The following TLN2 variants were observed in gnomAD, a reference collection of about 807,000 sequenced individuals.
The protein encoded by TLN2 is talin-2.
Under a neutral mutation model 294.7 loss-of-function variants are expected in TLN2, and 118 were observed. That is an observed-to-expected ratio of 0.40 (90% confidence interval 0.34 to 0.47). TLN2 has a LOEUF of 0.47. TLN2 is among the 20% of genes least tolerant of loss of function. The pLI is 0.84. For synonymous variants in TLN2, 1,431 were observed against 1,304.5 expected (o/e 1.10, Z -2.09); for missense variants, 3,083 against 3,282.2 (o/e 0.94, Z 1.48).
intron 1 of TLN2, among the ~76,000 whole-genome samples, chr15:62,411,690 T>C (rs2459899): frequency 0.33 from 50,549 of 152,008 alleles, 9,213 homozygotes; most frequent in East Asian, 0.73. Context: ...GCCTTTAGTC[T>C]TCTCTCCATT....
intron 27 of TLN2, among the ~76,000 whole-genome samples, chr15:62,725,809 C>T (rs1399555345): frequency 6.6e-6 from 1 of 152,150 alleles, no homozygotes; most frequent in Non-Finnish European, 1.5e-5. Context: ...AGGAGCCAAA[C>T]CACGGTTTGA....
At chr15:62,738,915 C>G (rs1174773885) in intron 30 of TLN2, among the ~76,000 whole-genome samples, 1 of 152,162 alleles carries the variant, frequency 6.6e-6, no homozygotes, top group African/African-American at 2.4e-5. Flanking sequence ...TAATTGGTGG[C>G]TATTAGTTTG....
chr15:62,502,379 T>A (rs1023180050), intron 1 of TLN2, among the ~76,000 whole-genome samples: 1 of 152,212 alleles, frequency 6.6e-6, no homozygotes, highest in East Asian at 1.9e-4. Context: ...TTTGGAGTTT[T>A]AAAATTTCTA....
chr15:62,726,744 T>G (rs1166689529), intron 27 of TLN2, among the ~76,000 whole-genome samples: 1 of 152,200 alleles, frequency 6.6e-6, no homozygotes, highest in East Asian at 1.9e-4. Flanking sequence ...ATAATACTAA[T>G]AGCTACCATT....
intron 13 of TLN2, 22 bp from the exon 14 acceptor site, chr15:62,694,294 T>C (rs759853408): frequency 6.2e-7 from 1 of 1,613,492 alleles, no homozygotes; most frequent in Non-Finnish European, 8.5e-7. Context: ...CATTTTTGCA[T>C]CTTGTTTTAT....
At chr15:62,496,602 G>A (rs2039031452) in intron 1 of TLN2, among the ~76,000 whole-genome samples, 1 of 152,172 alleles carries the variant, frequency 6.6e-6, no homozygotes, top group Non-Finnish European at 1.5e-5. Flanking sequence ...TTTAAAGGAT[G>A]GAGAAGCCCT....
At chr15:62,697,170 C>T (rs528556022) in intron 14 of TLN2, among the ~76,000 whole-genome samples, 2 of 152,148 alleles carry the variant, frequency 1.3e-5, no homozygotes, top group South Asian at 2.1e-4. Context: ...TACAGTGGCG[C>T]GATCATAGCT....
In TLN2 at chr15:62,753,784, G is replaced by A. The variant is rs1186078330; in HGVS notation, c.4344G>A (p.Leu1448=). Residue 1448 remains leucine (L), a synonymous_variant, in exon 36 of 59, where the codon TTG becomes TTA. Transcript: ENST00000636159. ...LTEAAAQAAY[L]VGISDPNSQA... Reference sequence around the variant, plus strand: ...TCTTCCCTTTCTAGGCTGCATACTTGGTTGGCATCTCTGATCCAAACAGCC... The same window carrying A: ...TCTTCCCTTTCTAGGCTGCATACTTAGTTGGCATCTCTGATCCAAACAGCC... The A allele has an allele frequency of 1.4e-5, 22 of 1,608,630 alleles. No individual in the cohort carries two copies. In the Admixed American group the frequency reaches 3.7e-4, roughly 27 times the overall value.
chr15:62,408,516 C>G (rs998089196), intron 1 of TLN2, among the ~76,000 whole-genome samples: 1 of 152,174 alleles, frequency 6.6e-6, no homozygotes, highest in Non-Finnish European at 1.5e-5. Context: ...ACTACAATGA[C>G]CGTCTCTCTG....
chr15:62,794,424 C>T (rs1248991436), intron 46 of TLN2, among the ~76,000 whole-genome samples: 1 of 152,166 alleles, frequency 6.6e-6, no homozygotes, highest in Non-Finnish European at 1.5e-5. Context: ...TCAGTAAACA[C>T]CTGCTGGCTG....
intron 2 of TLN2, among the ~76,000 whole-genome samples, chr15:62,595,542 C>T (rs1173606107): frequency 6.6e-6 from 1 of 152,038 alleles, no homozygotes; most frequent in Admixed American, 6.6e-5. Flanking sequence ...TTAGAGACTC[C>T]TCAAAAAATT....
At chr15:62,768,256 G>A (rs1001679523) in intron 41 of TLN2, among the ~76,000 whole-genome samples, 4 of 152,192 alleles carry the variant, frequency 2.6e-5, no homozygotes, top group Non-Finnish European at 5.9e-5. Flanking sequence ...CTAAAATCAG[G>A]TGGTGGCAGG....
intron 37 of TLN2, among the ~76,000 whole-genome samples, chr15:62,759,461 C>G (rs75789764): frequency 0.024 from 3,609 of 152,290 alleles, 64 homozygotes; most frequent in Non-Finnish European, 0.032. Flanking sequence ...CAAACCCTGT[C>G]TTTATTCTAA....
intron 1 of TLN2, among the ~76,000 whole-genome samples, chr15:62,517,730 A>G (rs544207700): frequency 7.2e-5 from 11 of 152,192 alleles, no homozygotes; most frequent in Admixed American, 3.3e-4. Flanking sequence ...ACTTGGAAAA[A>G]CAAACATGTT....
intron 1 of TLN2, among the ~76,000 whole-genome samples, chr15:62,494,510 G>T (rs1413023094): frequency 2.0e-5 from 3 of 152,032 alleles, no homozygotes; most frequent in Non-Finnish European, 4.4e-5. Context: ...ATCATTAATG[G>T]CAGAAGTTCA....
intron 1 of TLN2, among the ~76,000 whole-genome samples, chr15:62,559,652 G>A (rs574896460): frequency 6.6e-6 from 1 of 152,248 alleles, no homozygotes; most frequent in Admixed American, 6.5e-5. Context: ...GCTTATTTTA[G>A]GCAAGGCTCT....
chr15:62,578,082 C>T (rs1301975145), intron 1 of TLN2, among the ~76,000 whole-genome samples: 1 of 152,274 alleles, frequency 6.6e-6, no homozygotes, highest in East Asian at 1.9e-4. Flanking sequence ...TTTTCTTAAT[C>T]CAGTCTATCA....
chr15:62,798,145 C>G (rs1464270209), intron 48 of TLN2, among the ~76,000 whole-genome samples: 1 of 152,128 alleles, frequency 6.6e-6, no homozygotes, highest in Admixed American at 6.5e-5. Flanking sequence ...GTGTCCCCAG[C>G]TGCTTGTGTG....
At chr15:62,552,393 T>C (rs1485608977) in intron 1 of TLN2, among the ~76,000 whole-genome samples, 1 of 152,238 alleles carries the variant, frequency 6.6e-6, no homozygotes, top group Non-Finnish European at 1.5e-5. Context: ...TTTCAGGCAT[T>C]GCTGTCATTC....
Sources: gnomAD v4.1 joint callset for allele counts (sites outside exome capture counted in the v4.1 genomes callset) on GRCh38, gnomAD v4.1.1 for gene constraint, MANE v1.5 for transcripts, NCBI Gene and HGNC (gene_info 2026-07-23, HGNC 2026-07-21) for gene names.